Variants in ARSG observed in about 807,000 individuals in gnomAD.
ARSG encodes the protein ASG.
In ARSG, 37 loss-of-function variants were observed where a neutral mutation model predicts 50.5. That is an observed-to-expected ratio of 0.73 (90% CI 0.56 to 0.96). ARSG has a LOEUF of 0.96. Ranked by LOEUF, ARSG falls within the 50% of genes least tolerant of loss-of-function variation. The pLI, the probability that ARSG is intolerant of heterozygous loss-of-function variation, is 0.00. For missense variants in ARSG, 629 were observed against 675.3 expected (o/e 0.93, Z 0.76); for synonymous variants, 225 against 254.6 (o/e 0.88, Z 1.11).
At chr17:68,429,853 T>C in the ARSG span, 24 of 1,190,166 alleles carry the variant, frequency 2.0e-5, no homozygotes, top group East Asian at 5.1e-4. Flanking sequence ...CCTCCCAAGG[T>C]TCCGGGATTA....
chr17:68,364,201 C>T lies in ARSG; in HGVS notation c.705-4347C>T, dbSNP rs553889359. Among the ~76,000 whole-genome samples the T allele has an allele frequency of 2.6e-5, 4 of 152,278 alleles. No individual in the cohort carries two copies. The East Asian group carries it at 7.7e-4, about 29-fold the overall frequency. On this transcript the variant is annotated intron_variant, in intron 6 of 11. Transcript: ENST00000621439. ...TCCTCTTGCTCTCCTGGAATGTCCC[C>T]TCTGTCATCTTACTTGTTTTTTTCC...
the ARSG span, among the ~76,000 whole-genome samples, chr17:68,441,587 G>T: frequency 6.6e-6 from 1 of 152,200 alleles, no homozygotes; most frequent in Non-Finnish European, 1.5e-5. Context: ...AGGTTCCCGA[G>T]TGAGGACCTG....
intron 1 of ARSG, among the ~76,000 whole-genome samples, chr17:68,283,446 G>A (rs2075761814): frequency 1.3e-5 from 2 of 151,668 alleles, no homozygotes; most frequent in East Asian, 1.9e-4. Context: ...GCGTGAACCC[G>A]GGAGGCGGAG....
chr17:68,329,659 T>A (rs1468248615), intron 2 of ARSG, among the ~76,000 whole-genome samples: 2 of 152,176 alleles, frequency 1.3e-5, no homozygotes, highest in East Asian at 1.9e-4. Context: ...GACTTCGAAT[T>A]TGCTTTGACT....
chr17:68,322,629 A>T lies in ARSG; in HGVS notation c.218+14918A>T, dbSNP rs76263078. Reference sequence around the variant, plus strand: ...AGACTCCGTCTCAAAAAAATAAAATAAAAAAAAATTAAAAAAAAAAGAAAT... The same window carrying T: ...AGACTCCGTCTCAAAAAAATAAAATTAAAAAAAATTAAAAAAAAAAGAAAT... On this transcript the variant is annotated intron_variant, in intron 2 of 11. Transcript: ENST00000621439. Among the ~76,000 whole-genome samples, 31 of 117,258 alleles carry T rather than the reference A, an allele frequency of 2.6e-4. No individual in the cohort carries two copies. In the East Asian group the frequency reaches 7.1e-3, roughly 27 times the overall value. The allele number at this position is 117,258 out of a possible 152,430, so 76.9% of individuals were successfully genotyped here.
intron 1 of ARSG, chr17:68,270,907 A>G: frequency 1.2e-6 from 2 of 1,614,240 alleles, no homozygotes; most frequent in South Asian, 1.1e-5. Flanking sequence ...TGCAGAAGAC[A>G]TCTTCTCAAT....
chr17:68,450,842 C>A, the ARSG span: 1 of 1,614,050 alleles, frequency 6.2e-7, no homozygotes, highest in Non-Finnish European at 8.5e-7. Flanking sequence ...GACTGACTAC[C>A]ACCACCAGGC....
At chr17:68,413,611 G>T (rs112924276) in intron 11 of ARSG, 1 of 152,248 alleles carries the variant, frequency 6.6e-6, no homozygotes, top group African/African-American at 2.4e-5. Flanking sequence ...ACAGAGGCAG[G>T]CAGGCCTCCT....
intron 1 of ARSG, chr17:68,273,758 C>T (rs2075419355): frequency 1.5e-6 from 1 of 646,220 alleles, no homozygotes; most frequent in Non-Finnish European, 2.5e-6. Context: ...TTCCCAGGTC[C>T]CCTGAAGTCC....
intron 2 of ARSG, among the ~76,000 whole-genome samples, chr17:68,309,865 A>C (rs1555766047): frequency 6.6e-6 from 1 of 152,014 alleles, no homozygotes. Context: ...GTCTAAAAAA[A>C]AATAAATAAA....
At chr17:68,281,155 A>G (rs1555752649) in intron 1 of ARSG, among the ~76,000 whole-genome samples, 9 of 151,766 alleles carry the variant, frequency 5.9e-5, no homozygotes, top group African/African-American at 2.2e-4. Flanking sequence ...TGAAAAGACA[A>G]CCCACAGAAG....
chr17:68,316,546 G>A (rs572467055), intron 2 of ARSG, among the ~76,000 whole-genome samples: 55 of 152,282 alleles, frequency 3.6e-4, no homozygotes, highest in African/African-American at 1.2e-3. Context: ...GGGTTGACCC[G>A]AGCATGAGAG....
chr17:68,302,675 C>T (rs2076463121), intron 1 of ARSG, among the ~76,000 whole-genome samples: 1 of 152,224 alleles, frequency 6.6e-6, no homozygotes, highest in Admixed American at 6.5e-5. Context: ...GCACACTTAG[C>T]AGCCCTGCTT....
chr17:68,355,750 G>GTT lies in ARSG; in HGVS notation c.567-904_567-903dup, dbSNP rs771647836. ...AGCCACGGCGTCTGGCCATGAGCTT[G>GTT]TTTTTTTTTTTTTTCCAGGAGATGT... On this transcript the variant is annotated intron_variant, in intron 5 of 11. Coordinates refer to ENST00000621439, the MANE Select transcript of ARSG (RefSeq NM_001267727.2). Among the ~76,000 whole-genome samples, 543 of 137,468 alleles carry GTT rather than the reference G, an allele frequency of 4.0e-3. 4 individuals carry two copies. Among genetic ancestry groups the GTT allele is most frequent in the African/African-American group, 0.013 (509 of 37,966 alleles). The allele number at this position is 137,468 out of a possible 152,430, so 90.2% of individuals were successfully genotyped here. A position where few individuals can be genotyped will look rare whatever the true frequency, so the allele number is the denominator to read the frequency against.
At chr17:68,423,234 G>C (rs555057223), downstream of ARSG, among the ~76,000 whole-genome samples, 8 of 151,850 alleles carry the variant, frequency 5.3e-5, no homozygotes, top group Non-Finnish European at 1.2e-4. This position sits in a 1 kb window ranked among gnomAD's most constrained non-coding sequence, Gnocchi z 4.4. Flanking sequence ...TCAGAATAAG[G>C]AGACAGAGAG....
rs151202097 is a variant in ARSG, at chr17:68,406,773, G to A, written c.1303+5323G>A. ...AGTTCCTTGTAGGTTCTGGATATTA[G>A]TCCTTTGTCAGATGTATAGATTGTG... is the stretch of plus-strand genomic sequence containing the variant. On this transcript the variant is annotated intron_variant, in intron 11 of 11. Transcript: ENST00000621439. Among the ~76,000 whole-genome samples, 320 of 152,262 alleles carry A rather than the reference G, an allele frequency of 2.1e-3. 9 individuals carry two copies. The highest frequency in any genetic ancestry group is 4.1e-4 in the Non-Finnish European group (28 of 68,022).
the ARSG span, chr17:68,444,658 T>C: frequency 7.8e-7 from 1 of 1,279,580 alleles, no homozygotes; most frequent in South Asian, 1.3e-5. Flanking sequence ...ATCCAAATCA[T>C]TCATCTTTCA....
chr17:68,339,427 T>C (rs1599783040), intron 2 of ARSG, among the ~76,000 whole-genome samples: 2 of 152,214 alleles, frequency 1.3e-5, no homozygotes, highest in South Asian at 2.1e-4. Flanking sequence ...TTACATTGGG[T>C]CTGTATTAAA....
At chr17:68,385,242 A>G (rs2080652906) in intron 9 of ARSG, 70 bp downstream of exon 9, 1 of 1,388,292 alleles carries the variant, frequency 7.2e-7, no homozygotes, top group Middle Eastern at 1.8e-4. Context: ...ATGGGTGGCT[A>G]GATGGAGGCA....
Sources: allele counts gnomAD v4.1 joint callset (sites outside exome capture counted in the v4.1 genomes callset), GRCh38; gene constraint gnomAD v4.1.1; non-coding constraint Gnocchi (gnomAD v3.1); transcripts MANE v1.5; gene names NCBI Gene and HGNC (gene_info 2026-07-23, HGNC 2026-07-21).